KDR: variants seen among roughly 807,000 people sequenced by gnomAD.
KDR encodes the protein vascular endothelial growth factor receptor 2.
Under a neutral mutation model 160.9 loss-of-function variants are expected in KDR, and 43 were observed. The observed-to-expected ratio is 0.27, with a 90% CI of 0.21 to 0.34. The LOEUF (loss-of-function observed/expected upper bound fraction) is 0.34. Among genes scored for constraint, KDR ranks in the 10% least tolerant of loss-of-function variants. The pLI, the probability that KDR is intolerant of heterozygous loss-of-function variation, is 1.00. For synonymous variants in KDR, 617 were observed against 600.1 expected, an observed-to-expected ratio of 1.03 and a Z score of -0.41; for missense variants, 1,469 against 1,666.4, an observed-to-expected ratio of 0.88 and a Z score of 2.06.
chr4:55,092,364 A>T (rs375297706), intron 22 of KDR: 2 of 486,798 alleles, frequency 4.1e-6, no homozygotes, highest in African/African-American at 1.9e-5. Flanking sequence ...TCACCACAGT[A>T]TCCTCAGTGC....
At chr4:55,083,965 T>C (rs1222403234) in intron 27 of KDR, among the ~76,000 whole-genome samples, 2 of 152,202 alleles carry the variant, frequency 1.3e-5, no homozygotes, top group South Asian at 2.1e-4. Context: ...TAGTCAATCA[T>C]TCCTGCATTC....
At position 55,107,745 on chromosome 4, in the gene KDR, G is replaced by T. The variant is rs141384787; in HGVS notation, c.1404C>A (p.Asn468Lys). Residue 468 changes from asparagine (N) to lysine (K), a missense_variant, in exon 10 of 30, where the codon AAC becomes AAA. Around this residue, in one of 7 missense-constraint regions of KDR, gnomAD observed 792 missense variants for 840.9 expected, o/e 0.94. Coordinates refer to ENST00000263923, the MANE Select transcript of KDR (RefSeq NM_002253.4). ...WYWQLEEECA[N>K]EPSQAVSVTN... ...CATGTGGCCTTACTCACCTGGGCTCGTTGGCGCACTCTTCCTCCAACTGCC... is the reference window on the plus strand; with the variant it reads ...CATGTGGCCTTACTCACCTGGGCTCTTTGGCGCACTCTTCCTCCAACTGCC... 6.2e-7 allele frequency: 1 copy of T among 1,613,776 alleles called. No individual in the cohort carries two copies. Among genetic ancestry groups the T allele is most frequent in the African/African-American group, 1.3e-5 (1 of 74,888 alleles).
intron 1 of KDR, 118 bp downstream of exon 1, chr4:55,125,109 A>C (rs915231087): frequency 4.5e-5 from 44 of 973,572 alleles, no homozygotes; most frequent in Non-Finnish European, 6.7e-5. Flanking sequence ...GAAAGATCGC[A>C]AAATGTCAAG....
At chr4:55,115,522 C>T (rs1720714087) in intron 3 of KDR, 111 bp from the exon 4 acceptor site, 1 of 677,192 alleles carries the variant, frequency 1.5e-6, no homozygotes, top group Non-Finnish European at 2.7e-6. Context: ...GAAGGGACAC[C>T]TCACACAACC....
chr4:55,102,182 T>C (rs1720328480), intron 14 of KDR, among the ~76,000 whole-genome samples, 154 bp from the exon 15 acceptor site: 1 of 152,182 alleles, frequency 6.6e-6, no homozygotes, highest in South Asian at 2.1e-4. Context: ...TAATCTCCTA[T>C]ATGGCTTTCA....
intron 1 of KDR, chr4:55,122,933 G>T (rs1276025227): frequency 1.3e-5 from 2 of 152,012 alleles, no homozygotes; most frequent in African/African-American, 4.8e-5. Context: ...TGGAACGGGG[G>T]TTACATTTAT....
chr4:55,088,570 G>A (rs1719924826), intron 26 of KDR, among the ~76,000 whole-genome samples: 1 of 152,176 alleles, frequency 6.6e-6, no homozygotes, highest in Non-Finnish European at 1.5e-5. Flanking sequence ...TTGATCTTCT[G>A]TGGATCAACC....
chr4:55,106,785 A>G lies in KDR; in HGVS notation c.1438T>C (p.Tyr480His), dbSNP rs750539689. 15 of 1,604,766 alleles carry G rather than the reference A, an allele frequency of 9.3e-6. No homozygotes were observed. The highest frequency in any genetic ancestry group is 1.7e-5 in the Admixed American group (1 of 59,956). Residue 480 changes from tyrosine (Y) to histidine (H), a missense_variant, in exon 11 of 30, where the codon TAC becomes CAC. By Grantham distance (83) the Tyr-to-His change is moderately conservative. Coordinates refer to ENST00000263923, the MANE Select transcript of KDR (RefSeq NM_002253.4). Reference protein sequence around the residue: ...PSQAVSVTNPYPCEEWRSVED... With the variant: ...PSQAVSVTNPHPCEEWRSVED... ...ACACTTCTCCATTCTTCACAAGGGT[A>G]TGGGTTTGTCACTGAGACAGCTTGG...
At chr4:55,110,865 C>A (rs2110028448) in intron 7 of KDR, 97 bp from the exon 8 acceptor site, 1 of 952,582 alleles carries the variant, frequency 1.0e-6, no homozygotes, top group South Asian at 1.5e-5. Context: ...CCTTGAGGGT[C>A]TGAGTAGCTG....
intron 27 of KDR, among the ~76,000 whole-genome samples, chr4:55,086,132 T>A (rs12642334): frequency 0.24 from 35,969 of 152,158 alleles, 5,386 homozygotes; most frequent in Non-Finnish European, 0.33. Flanking sequence ...CTCATTACTG[T>A]TTCTCTCTGA....
At position 55,088,856 on chromosome 4, in the gene KDR, G is replaced by T. The variant is rs115734907; in HGVS notation, c.3510+12C>A. Reference sequence around the variant, plus strand: ...ACTCTTTGTAGGTGCTTCTTGGATGGAGGTGACAAACCTGCTGAGCATTAG... The same window carrying T: ...ACTCTTTGTAGGTGCTTCTTGGATGTAGGTGACAAACCTGCTGAGCATTAG... On this transcript the variant is annotated intron_variant, in intron 26 of 29. Transcript: ENST00000263923. 1 of 1,588,176 alleles carries T rather than the reference G, an allele frequency of 6.3e-7. No homozygotes were observed. The highest frequency in any genetic ancestry group is 8.6e-7 in the Non-Finnish European group (1 of 1,156,316).
At chr4:55,109,481 A>G (rs1339199269) in intron 9 of KDR, among the ~76,000 whole-genome samples, 2 of 152,124 alleles carry the variant, frequency 1.3e-5, no homozygotes, top group Admixed American at 6.6e-5. Flanking sequence ...ATGTCATGGG[A>G]AAATATCCTG....
intron 2 of KDR, 125 bp from the exon 3 acceptor site, chr4:55,118,925 C>T (rs1346444306): frequency 6.2e-6 from 5 of 805,558 alleles, no homozygotes; most frequent in Non-Finnish European, 1.0e-5. Flanking sequence ...CAGTCTTCTA[C>T]CGGCCAGGCA....
intron 7 of KDR, among the ~76,000 whole-genome samples, chr4:55,112,910 G>A (rs1283625069): frequency 2.0e-5 from 3 of 152,132 alleles, no homozygotes; most frequent in African/African-American, 7.2e-5. Context: ...TTGCTCACAG[G>A]TCAACTGTAT....
chr4:55,087,786 G>T (rs1253181047), intron 26 of KDR, 28 bp from the exon 27 acceptor site: 7 of 1,612,412 alleles, frequency 4.3e-6, no homozygotes, highest in Non-Finnish European at 4.2e-6. Context: ...GAAGACTGTT[G>T]TTATGGCTTC....
intron 27 of KDR, among the ~76,000 whole-genome samples, chr4:55,083,160 G>C (rs1719779690): frequency 1.3e-5 from 2 of 152,184 alleles, no homozygotes; most frequent in Non-Finnish European, 2.9e-5. Context: ...ATGTAACAGA[G>C]GCTTGGTGTG....
Position 55,125,550 on chromosome 4 carries a change from G to T in KDR, c.-257C>A, listed in dbSNP as rs1721013581. ...GATGCCCGGCGCAGGCAGAGGAAAC[G>T]CAGCGACCACACATTGACCGCTCTC... On this transcript the variant is annotated 5_prime_UTR_variant, in exon 1 of 30. An upstream open reading frame in the 5' UTR gains an earlier in-frame stop. Coordinates refer to ENST00000263923, the MANE Select transcript of KDR (RefSeq NM_002253.4). 3.7e-5 allele frequency: 22 copies of T among 598,190 alleles called. No homozygotes were observed. The highest frequency in any genetic ancestry group is 2.8e-4 in the South Asian group (14 of 50,720). The allele number at this position is 598,190 out of a possible 1,614,324, so 37.1% of individuals were successfully genotyped here. A position where few individuals can be genotyped will look rare whatever the true frequency, so the allele number is the denominator to read the frequency against.
chr4:55,094,755 G>T, intron 21 of KDR, 47 bp downstream of exon 21: 1 of 1,571,228 alleles, frequency 6.4e-7, no homozygotes, highest in Non-Finnish European at 8.8e-7. Context: ...CACCCTGTCT[G>T]CTCTGACAAG....
Position 55,118,756 on chromosome 4 carries a change from C to A in KDR, c.206G>T (p.Gly69Val), listed in dbSNP as rs2110034566. 6.2e-7 allele frequency: 1 copy of A among 1,614,164 alleles called. No homozygotes were observed. Among genetic ancestry groups the A allele is most frequent in the Non-Finnish European group, 8.5e-7 (1 of 1,180,018 alleles). Reference sequence around the variant, plus strand: ...AGTCACCTCCACCCTTTGCTCACTGCCACTCTGATTATTGGGCCAAAGCCA... The same window carrying A: ...AGTCACCTCCACCCTTTGCTCACTGACACTCTGATTATTGGGCCAAAGCCA... The part of the protein sequence containing the change: ...LDWLWPNNQS[G>V]SEQRVEVTEC... Residue 69 changes from glycine to valine, a missense_variant, in exon 3 of 30, where the codon GGC (glycine) becomes GTC (valine). Gly to Val is a moderately radical substitution (Grantham distance 109, BLOSUM62 -3). Coordinates refer to ENST00000263923, the MANE Select transcript of KDR (RefSeq NM_002253.4).
Sources: allele counts gnomAD v4.1 joint callset (sites outside exome capture counted in the v4.1 genomes callset), GRCh38; gene constraint gnomAD v4.1.1; regional missense constraint gnomAD v4.1.1; transcripts MANE v1.5; gene names NCBI Gene and HGNC (gene_info 2026-07-23, HGNC 2026-07-21).